Variants in OXR1 observed in about 807,000 individuals in gnomAD.
OXR1 encodes the protein oxidation resistance protein 1.
Under a neutral mutation model 104.6 loss-of-function variants are expected in OXR1, and 41 were observed. The ratio of observed to expected loss-of-function variants is 0.39; its 90% CI spans 0.31 to 0.51. The LOEUF (loss-of-function observed/expected upper bound fraction) is 0.51, where lower values mean the gene tolerates loss of function less well. Among genes scored for constraint, OXR1 ranks in the 20% least tolerant of loss-of-function variants. The pLI, the probability that OXR1 is intolerant of heterozygous loss-of-function variation, is 0.77. For synonymous variants in OXR1, 348 were observed against 348.4 expected (o/e 1.00, Z 0.01); for missense variants, 955 against 1,031.9 (o/e 0.93, Z 1.02).
chr8:106,556,125 A>T (rs1217151747), intron 3 of OXR1, among the ~76,000 whole-genome samples: 1 of 151,966 alleles, frequency 6.6e-6, no homozygotes, highest in Non-Finnish European at 1.5e-5. Context: ...ATGCATATTG[A>T]TGGTTGCCAG....
chr8:106,717,061 C>G (rs766356225), intron 11 of OXR1, among the ~76,000 whole-genome samples: 1 of 152,110 alleles, frequency 6.6e-6, no homozygotes, highest in Non-Finnish European at 1.5e-5. Context: ...TAGCACACGC[C>G]TGTAGTCCCA....
At chr8:106,750,513 A>G (rs1487975228) in intron 16 of OXR1, among the ~76,000 whole-genome samples, 2 of 151,744 alleles carry the variant, frequency 1.3e-5, no homozygotes, top group East Asian at 1.9e-4. Context: ...ATTTTTTAGT[A>G]GAGACAGGGT....
chr8:106,539,170 T>C (rs1469004672), intron 3 of OXR1, among the ~76,000 whole-genome samples: 1 of 152,252 alleles, frequency 6.6e-6, no homozygotes, highest in African/African-American at 2.4e-5. Context: ...CTATCACTTA[T>C]GTTGCTGTAG....
chr8:106,290,524 G>A (rs1312219524), intron 1 of OXR1, among the ~76,000 whole-genome samples: 2 of 152,114 alleles, frequency 1.3e-5, no homozygotes, highest in Non-Finnish European at 2.9e-5. Flanking sequence ...TATAGAATGG[G>A]AGAAAATATT....
At position 106,518,932 on chromosome 8, in the gene OXR1, T is replaced by G. The variant is rs1453920352; in HGVS notation, c.24-11T>G. ...TCAGGATTCATAGCATGTGGTCTTC[T>G]TTACTTGTAGGCTGAAGAAAAAGTC... On this transcript the variant is annotated splice_polypyrimidine_tract_variant and intron_variant, in intron 2 of 16. Coordinates refer to ENST00000517566, the MANE Select transcript of OXR1 (RefSeq NM_001198533.2). 1 of 1,541,638 alleles carries G rather than the reference T, an allele frequency of 6.5e-7. No individual in the cohort carries two copies. Among genetic ancestry groups the G allele is most frequent in the Non-Finnish European group, 8.8e-7 (1 of 1,140,232 alleles).
rs559014811 is a variant in OXR1, at chr8:106,725,140, G to T, written c.1956+11155G>T. Among the ~76,000 whole-genome samples the T allele has an allele frequency of 2.5e-3, 381 of 152,222 alleles. 3 individuals are homozygous for T. The highest frequency in any genetic ancestry group is 8.7e-3 in the African/African-American group (361 of 41,526). ...TGGGAGAGATTTTAGGGTAAATGTA[G>T]TGGGGCTGAATGAGAGGAATAGGGG... On this transcript the variant is annotated intron_variant, in intron 11 of 16. Coordinates refer to ENST00000517566, the MANE Select transcript of OXR1 (RefSeq NM_001198533.2).
intron 3 of OXR1, among the ~76,000 whole-genome samples, chr8:106,621,516 T>TAAAAAAAA (rs3046754): frequency 7.2e-6 from 1 of 138,166 alleles, no homozygotes. Flanking sequence ...TCAATAAGAG[T>TAAAAAAAA]AAAAAAAAAA....
Position 106,519,115 on chromosome 8 carries a change from G to A in OXR1, c.196G>A (p.Glu66Lys), listed in dbSNP as rs140323560. 6.4e-6 allele frequency: 10 copies of A among 1,551,442 alleles called. No individual in the cohort carries two copies. The highest frequency in any genetic ancestry group is 1.4e-5 in the African/African-American group (1 of 73,006). The stretch of plus-strand genomic sequence containing the variant: ...TCAGAAACATCCTTCCAGAAGGAGC[G>A]AACTGAAGAGGTTCTACACAATTGG... Reference protein sequence around the residue: ...NTQKHPSRRSELKRFYTIDTG... With the variant: ...NTQKHPSRRSKLKRFYTIDTG... Residue 66 changes from glutamate to lysine, a missense_variant, in exon 3 of 17, where the codon GAA becomes AAA. By Grantham distance (56) the Glu-to-Lys change is moderately conservative. Transcript: ENST00000517566.
intron 3 of OXR1, among the ~76,000 whole-genome samples, chr8:106,580,454 G>C (rs1285634196): frequency 6.6e-6 from 1 of 152,072 alleles, no homozygotes; most frequent in Non-Finnish European, 1.5e-5. Flanking sequence ...TACCACATTT[G>C]TATATCTATT....
chr8:106,302,668 A>G (rs966144684), intron 1 of OXR1, among the ~76,000 whole-genome samples: 1 of 152,188 alleles, frequency 6.6e-6, no homozygotes, highest in Non-Finnish European at 1.5e-5. Context: ...GCAGTAAAAT[A>G]TAATGACAGA....
chr8:106,616,303 C>T (rs940040841), intron 3 of OXR1, among the ~76,000 whole-genome samples: 2 of 147,802 alleles, frequency 1.4e-5, no homozygotes, highest in Admixed American at 1.4e-4. Flanking sequence ...CCTCATGATC[C>T]GCCCACCTCA....
chr8:106,735,422 C>T (rs1392553073), intron 11 of OXR1, among the ~76,000 whole-genome samples: 1 of 152,088 alleles, frequency 6.6e-6, no homozygotes, highest in Admixed American at 6.6e-5. Context: ...TTATTGTTCT[C>T]TTATTAGTAA....
intron 2 of OXR1, among the ~76,000 whole-genome samples, chr8:106,395,015 G>T (rs1459580362): frequency 6.7e-6 from 1 of 149,604 alleles, no homozygotes; most frequent in Non-Finnish European, 1.5e-5. Context: ...GGGGGGAAAA[G>T]TAATTGACCT....
intron 2 of OXR1, among the ~76,000 whole-genome samples, chr8:106,394,939 T>C (rs541787501): frequency 2.0e-5 from 3 of 148,330 alleles, no homozygotes; most frequent in African/African-American, 7.5e-5. Context: ...GATCTCAGGA[T>C]GGAATGCAGA....
chr8:106,404,141 C>G (rs1470764236), intron 2 of OXR1, among the ~76,000 whole-genome samples: 2 of 152,088 alleles, frequency 1.3e-5, no homozygotes, highest in Non-Finnish European at 2.9e-5. Flanking sequence ...ATCAATTCAC[C>G]TGGGGGTAGG....
intron 2 of OXR1, among the ~76,000 whole-genome samples, chr8:106,406,765 A>T (rs887516379): frequency 3.3e-5 from 5 of 152,188 alleles, no homozygotes; most frequent in African/African-American, 1.2e-4. Context: ...TGATACTATA[A>T]TGGTGGATAC....
intron 3 of OXR1, among the ~76,000 whole-genome samples, chr8:106,596,498 C>G (rs955188776): frequency 4.6e-5 from 7 of 152,004 alleles, no homozygotes; most frequent in Non-Finnish European, 1.0e-4. Flanking sequence ...GCTTACAATC[C>G]AGTACTAATA....
chr8:106,724,962 T>TGCTTCC (rs1208876575), intron 11 of OXR1, among the ~76,000 whole-genome samples: 1 of 152,186 alleles, frequency 6.6e-6, no homozygotes, highest in Non-Finnish European at 1.5e-5. Flanking sequence ...TTCAAAATGC[T>TGCTTCC]GCTTCCACCA....
intron 3 of OXR1, among the ~76,000 whole-genome samples, chr8:106,643,110 A>G (rs1007437842): frequency 4.6e-5 from 7 of 152,254 alleles, no homozygotes; most frequent in Non-Finnish European, 1.0e-4. Context: ...TGACTCAGTA[A>G]TTAGGGATAC....
Sources: allele counts gnomAD v4.1 joint callset (sites outside exome capture counted in the v4.1 genomes callset), GRCh38; gene constraint gnomAD v4.1.1; transcripts MANE v1.5; gene names NCBI Gene and HGNC (gene_info 2026-07-23, HGNC 2026-07-21).